The following CXADR variants were observed in gnomAD, a reference collection of about 807,000 sequenced individuals.
The protein encoded by CXADR is coxsackievirus and adenovirus receptor.
Under a neutral mutation model 40.3 loss-of-function variants are expected in CXADR, and 20 were observed. The observed-to-expected ratio is 0.50, with a 90% confidence interval of 0.35 to 0.72. The LOEUF (loss-of-function observed/expected upper bound fraction) is 0.72. CXADR is among the 30% of genes least tolerant of loss of function. The pLI is 0.01. For synonymous variants in CXADR, 150 were observed against 161.3 expected (o/e 0.93, Z 0.53); for missense variants, 332 against 449.1 (o/e 0.74, Z 2.36).
chr21:17,559,346 ATTT>A (rs58736212), intron 4 of CXADR, among the ~76,000 whole-genome samples: 6 of 94,492 alleles, frequency 6.3e-5, no homozygotes, highest in East Asian at 2.7e-4. Context: ...CACCCTGCTA[ATTT>A]TTTTTTTAAA....
chr21:17,621,594 G>T, the CXADR span, among the ~76,000 whole-genome samples: 1 of 152,172 alleles, frequency 6.6e-6, no homozygotes, highest in Non-Finnish European at 1.5e-5. Flanking sequence ...AAGGTAATTA[G>T]GCCATGAGGG....
chr21:17,630,048 G>C, the CXADR span, among the ~76,000 whole-genome samples: 2 of 152,230 alleles, frequency 1.3e-5, no homozygotes, highest in Admixed American at 1.3e-4. Flanking sequence ...TCCGGGTGTT[G>C]GATGTAGTTG....
chr21:17,618,425 G>T, the CXADR span, among the ~76,000 whole-genome samples: 1 of 152,096 alleles, frequency 6.6e-6, no homozygotes, highest in Non-Finnish European at 1.5e-5. Context: ...GTTTCTAATG[G>T]CATCTACAAT....
chr21:17,556,196 C>G (rs934498146), intron 3 of CXADR, among the ~76,000 whole-genome samples: 2 of 152,232 alleles, frequency 1.3e-5, no homozygotes, highest in African/African-American at 4.8e-5. Flanking sequence ...TATTCGTGCT[C>G]TCTTTGTGGT....
the CXADR span, among the ~76,000 whole-genome samples, chr21:17,628,324 G>A: frequency 6.6e-6 from 1 of 152,246 alleles, no homozygotes. Flanking sequence ...AGATCTGTAA[G>A]ATAAGTTGGG....
In CXADR at chr21:17,561,554, C is replaced by A. The variant is rs183522625; in HGVS notation, c.833+78C>A. 3.1e-3 allele frequency: 3,860 copies of A among 1,239,916 alleles called. 9 individuals carry two copies. Among genetic ancestry groups the A allele is most frequent in the Non-Finnish European group, 3.8e-3 (3,401 of 904,206 alleles). 76.8% of individuals were successfully genotyped at this position (1,239,916 alleles called of 1,614,324 possible). A position where few individuals can be genotyped will look rare whatever the true frequency, so the allele number is the denominator to read the frequency against. Reference sequence around the variant, plus strand: ...TCTAAAGCATTCGTTCTCTTATTAACCACCCAAAGCATCTTTCTTAGGAGA... The same window carrying A: ...TCTAAAGCATTCGTTCTCTTATTAAACACCCAAAGCATCTTTCTTAGGAGA... On this transcript the variant is annotated intron_variant, in intron 6 of 6. Transcript: ENST00000284878.
At chr21:17,544,620 G>A (rs553647647) in intron 1 of CXADR, among the ~76,000 whole-genome samples, 12 of 152,256 alleles carry the variant, frequency 7.9e-5, no homozygotes, top group African/African-American at 2.4e-4. Context: ...GCCGGTGACC[G>A]AGGAGGCAAG....
chr21:17,566,416 A>G lies in CXADR; in HGVS notation c.*724A>G, dbSNP rs991858071. On this transcript the variant is annotated 3_prime_UTR_variant, in exon 7 of 7. Transcript: ENST00000284878. The stretch of plus-strand genomic sequence containing the variant: ...TAAGTTAGAACATTTGCTGTCAGCC[A>G]CATATTGAGATGACACTAGGTGCAA... The G allele has an allele frequency of 2.0e-6, 2 of 985,332 alleles. No homozygotes were observed. The highest frequency in any genetic ancestry group is 5.2e-4 in the Middle Eastern group (1 of 1,936). The allele number at this position is 985,332 out of a possible 1,614,324, so 61.0% of individuals were successfully genotyped here. A position where few individuals can be genotyped will look rare whatever the true frequency, so the allele number is the denominator to read the frequency against.
At chr21:17,531,146 A>G (rs1252349619) in intron 1 of CXADR, among the ~76,000 whole-genome samples, 1 of 152,044 alleles carries the variant, frequency 6.6e-6, no homozygotes, top group East Asian at 2.0e-4. Flanking sequence ...AAAAATACAA[A>G]GCTTAGTTGG....
chr21:17,551,605 T>G (rs2060969444), intron 2 of CXADR, 144 bp from the exon 3 acceptor site: 2 of 659,466 alleles, frequency 3.0e-6, no homozygotes, highest in Non-Finnish European at 5.2e-6. Flanking sequence ...GGTAGTTTTA[T>G]GTTTCCCCAT....
chr21:17,601,348 C>A, the CXADR span, among the ~76,000 whole-genome samples: 2 of 152,032 alleles, frequency 1.3e-5, no homozygotes, highest in African/African-American at 4.8e-5. Context: ...CGGCTGGTGA[C>A]TCTTCGTAGT....
intron 1 of CXADR, chr21:17,519,032 C>T: frequency 6.9e-7 from 1 of 1,456,344 alleles, no homozygotes. Flanking sequence ...TCCTCCAGCA[C>T]CAGCACGCGG....
intron 1 of CXADR, among the ~76,000 whole-genome samples, chr21:17,519,185 C>T (rs759208026): frequency 4.6e-5 from 7 of 152,198 alleles, no homozygotes; most frequent in African/African-American, 7.2e-5. Flanking sequence ...GGGTCTCCAT[C>T]GATTACCAAC....
chr21:17,555,794 A>G (rs190531524), intron 3 of CXADR, among the ~76,000 whole-genome samples: 118 of 152,310 alleles, frequency 7.7e-4, no homozygotes, highest in Middle Eastern at 3.4e-3. Flanking sequence ...CTATGCAGAT[A>G]TGTTATTTCT....
chr21:17,575,321 T>A (rs1229151571), intron 7 of CXADR, among the ~76,000 whole-genome samples: 1 of 148,594 alleles, frequency 6.7e-6, no homozygotes, highest in Non-Finnish European at 1.5e-5. Context: ...GTAGCTGGGA[T>A]AACAGGCGCA....
the CXADR span, among the ~76,000 whole-genome samples, chr21:17,609,463 C>A: frequency 6.6e-6 from 1 of 152,092 alleles, no homozygotes; most frequent in Non-Finnish European, 1.5e-5. Flanking sequence ...ATAAATGATA[C>A]GACATAGATG....
the CXADR span, chr21:17,604,071 T>A: frequency 2.5e-6 from 3 of 1,192,468 alleles, no homozygotes; most frequent in Non-Finnish European, 3.2e-6. Flanking sequence ...CTTTCACAAC[T>A]CTATTCATTA....
chr21:17,521,814 A>G (rs1162708905), intron 1 of CXADR, among the ~76,000 whole-genome samples: 2 of 152,170 alleles, frequency 1.3e-5, no homozygotes, highest in African/African-American at 4.8e-5. Context: ...ATCTAGGCCT[A>G]CAATCTTGTC....
At chr21:17,514,321 A>C (rs1470362992) in intron 1 of CXADR, among the ~76,000 whole-genome samples, 1 of 151,874 alleles carries the variant, frequency 6.6e-6, no homozygotes, top group African/African-American at 2.4e-5. Context: ...TGTGAGCATT[A>C]CTCATGGGAT....
Sources: gnomAD v4.1 joint callset for allele counts (sites outside exome capture counted in the v4.1 genomes callset) on GRCh38, gnomAD v4.1.1 for gene constraint, MANE v1.5 for transcripts, NCBI Gene and HGNC (gene_info 2026-07-23, HGNC 2026-07-21) for gene names.